The following RPTOR variants were observed in gnomAD, a reference collection of about 807,000 sequenced individuals.
The protein encoded by RPTOR is regulatory associated protein of MTOR complex 1, also known as regulatory-associated protein of mTOR.
In RPTOR, 21 loss-of-function variants were observed where a neutral mutation model predicts 169.9. That is an observed-to-expected ratio of 0.12 (90% confidence interval 0.09 to 0.18). The LOEUF is 0.18. Among genes scored for constraint, RPTOR ranks in the 10% least tolerant of loss-of-function variants. RPTOR has a pLI of 1.00. For synonymous variants in RPTOR, 732 were observed against 753.2 expected (o/e 0.97, Z 0.46); for missense variants, 1,133 against 1,855.9 (o/e 0.61, Z 7.16).
intron 6 of RPTOR, among the ~76,000 whole-genome samples, chr17:80,784,080 G>A (rs1055281825): frequency 1.3e-5 from 2 of 151,676 alleles, no homozygotes; most frequent in South Asian, 4.2e-4. Context: ...GAGCTCAAAC[G>A]ATCCTCCTGC....
rs572761410 is a variant in RPTOR at position 80,746,476 on chromosome 17, T to C, written c.655-7534T>C. On this transcript the variant is annotated intron_variant, in intron 5 of 33. Coordinates refer to ENST00000306801, the MANE Select transcript of RPTOR (RefSeq NM_020761.3). The surrounding 1 kb of genome is among the most constrained non-coding windows in gnomAD (Gnocchi z 4.5). ...ACGTGGGAACAATGCAGCAGATGTC[T>C]TTTTTGGATCCGGTTGCTGTGTATC... 4.6e-5 allele frequency among the ~76,000 whole-genome samples: 7 copies of C among 152,362 alleles called. No individual in the cohort carries two copies. Among genetic ancestry groups the C allele is most frequent in the African/African-American group, 1.7e-4 (7 of 41,602 alleles).
At chr17:80,732,237 C>T (rs1052701084) in intron 5 of RPTOR, among the ~76,000 whole-genome samples, 2 of 152,082 alleles carry the variant, frequency 1.3e-5, no homozygotes, top group Non-Finnish European at 2.9e-5. Context: ...AGTTCTACAC[C>T]AGATTTATGG....
At chr17:80,581,976 T>G (rs2065018710) in intron 1 of RPTOR, among the ~76,000 whole-genome samples, 1 of 152,174 alleles carries the variant, frequency 6.6e-6, no homozygotes, top group African/African-American at 2.4e-5. Flanking sequence ...GAGAGAAGGC[T>G]CTGGAGGAAC....
At chr17:80,833,997 A>G (rs979420184) in intron 9 of RPTOR, among the ~76,000 whole-genome samples, 1 of 152,230 alleles carries the variant, frequency 6.6e-6, no homozygotes, top group Non-Finnish European at 1.5e-5. Flanking sequence ...TCAAAAAACA[A>G]AACAAAACAA....
chr17:80,747,016 G>A (rs535615777), intron 5 of RPTOR, among the ~76,000 whole-genome samples: 2 of 152,166 alleles, frequency 1.3e-5, no homozygotes, highest in Admixed American at 6.5e-5. Context: ...TCAGGAATTC[G>A]AGACCAGCCT....
At chr17:80,668,963 A>C (rs1161967773) in intron 3 of RPTOR, among the ~76,000 whole-genome samples, 1 of 150,914 alleles carries the variant, frequency 6.6e-6, no homozygotes, top group Non-Finnish European at 1.5e-5. Context: ...TAGCTGTGGC[A>C]GTGCTGTGGG....
chr17:80,755,086 C>T (rs2066666993), intron 6 of RPTOR, among the ~76,000 whole-genome samples: 1 of 152,100 alleles, frequency 6.6e-6, no homozygotes, highest in Admixed American at 6.5e-5. Flanking sequence ...AGGGGCAGGG[C>T]AGCCTGAGGG....
chr17:80,940,835 C>T (rs371113581), intron 25 of RPTOR, among the ~76,000 whole-genome samples: 20 of 144,552 alleles, frequency 1.4e-4, no homozygotes, highest in African/African-American at 2.2e-4. Context: ...GGGGAGGGGC[C>T]GGGTGGGAAC....
At chr17:80,908,973 C>T (rs754725615) in intron 21 of RPTOR, 44 bp downstream of exon 21, 6 of 1,397,240 alleles carry the variant, frequency 4.3e-6, no homozygotes, top group Non-Finnish European at 6.1e-6. Context: ...TGCTGGTTCT[C>T]GGTTACGAGT....
At chr17:80,614,259 C>T (rs573976908) in intron 1 of RPTOR, among the ~76,000 whole-genome samples, 7 of 152,166 alleles carry the variant, frequency 4.6e-5, no homozygotes, top group African/African-American at 1.4e-4. Context: ...GTGGCCTCCC[C>T]GAGAAGGGGG....
chr17:80,632,453 G>T (rs2065449791), intron 2 of RPTOR, among the ~76,000 whole-genome samples: 1 of 152,096 alleles, frequency 6.6e-6, no homozygotes, highest in Admixed American at 6.5e-5. Context: ...CAGTCTCTTT[G>T]ATCAGTATTT....
At chr17:80,709,706 C>T (rs969380302) in intron 4 of RPTOR, among the ~76,000 whole-genome samples, 4 of 151,854 alleles carry the variant, frequency 2.6e-5, no homozygotes, top group African/African-American at 4.9e-5. Context: ...TGGGTGTTGT[C>T]ACAGGTTTTT....
At chr17:80,837,813 C>G in intron 9 of RPTOR, 109 bp from the exon 10 acceptor site, 1 of 1,049,616 alleles carries the variant, frequency 9.5e-7, no homozygotes. Flanking sequence ...TGGCCTCCGC[C>G]CAGACCCTTG....
intron 28 of RPTOR, among the ~76,000 whole-genome samples, chr17:80,950,364 CTGCCCTGGTT>C (rs2069159229): frequency 6.6e-6 from 1 of 152,216 alleles, no homozygotes; most frequent in South Asian, 2.1e-4. Context: ...CGTGTGGGGC[CTGCCCTGGTT>C]CTGCCCTAGG....
intron 1 of RPTOR, among the ~76,000 whole-genome samples, chr17:80,607,018 A>G (rs1312450785): frequency 2.0e-5 from 3 of 152,218 alleles, no homozygotes; most frequent in African/African-American, 7.2e-5. Flanking sequence ...GATGCAGCAC[A>G]TGAAGGCGCC....
chr17:80,723,087 G>A (rs55825314), intron 4 of RPTOR, among the ~76,000 whole-genome samples: 15,218 of 151,378 alleles, frequency 0.1, 1,102 homozygotes, highest in East Asian at 0.24. Flanking sequence ...ATGCAGATGG[G>A]TTATTCTCAG....
intron 33 of RPTOR, among the ~76,000 whole-genome samples, 186 bp from the exon 34 acceptor site, chr17:80,964,076 C>T (rs982453249): frequency 1.1e-4 from 16 of 152,300 alleles, no homozygotes; most frequent in Middle Eastern, 3.4e-3. Context: ...TCACGGAGTG[C>T]ACCATGCATG....
Position 80,964,503 on chromosome 17 carries a change from G to A in RPTOR, c.*173G>A. ...CTACTCGCTTTTGTCTGTCTTCGCT[G>A]TCGTGTCTGGAATGTCAGGGAAGGG... On this transcript the variant is annotated 3_prime_UTR_variant, in exon 34 of 34. Transcript: ENST00000306801. 1.5e-6 allele frequency: 1 copy of A among 647,978 alleles called. No individual in the cohort carries two copies. Among genetic ancestry groups the A allele is most frequent in the East Asian group, 2.8e-5 (1 of 36,170 alleles). The allele number at this position is 647,978 out of a possible 1,614,324, so 40.1% of individuals were successfully genotyped here. A position where few individuals can be genotyped will look rare whatever the true frequency, so the allele number is the denominator to read the frequency against.
chr17:80,777,346 G>A (rs543965399), intron 6 of RPTOR, among the ~76,000 whole-genome samples: 5 of 152,178 alleles, frequency 3.3e-5, no homozygotes, highest in Middle Eastern at 3.4e-3. Flanking sequence ...ATGTTATTTC[G>A]AAATTTACGG....
Sources: gnomAD v4.1 joint callset for allele counts (sites outside exome capture counted in the v4.1 genomes callset) on GRCh38, gnomAD v4.1.1 for gene constraint, Gnocchi (gnomAD v3.1) non-coding constraint, MANE v1.5 for transcripts, NCBI Gene and HGNC (gene_info 2026-07-23, HGNC 2026-07-21) for gene names.